NF1: variants seen among roughly 807,000 people sequenced by gnomAD.
NF1 encodes the protein neurofibromin 1, also known as neurofibromin.
Under a neutral mutation model 325.7 loss-of-function variants are expected in NF1, and 122 were observed. The ratio of observed to expected loss-of-function variants is 0.37; its 90% CI spans 0.32 to 0.44. NF1 has a LOEUF of 0.44. NF1 is among the 20% of genes least tolerant of loss of function. NF1 has a pLI of 1.00. For missense variants in NF1, 2,140 were observed against 3,415.4 expected, an observed-to-expected ratio of 0.63 and a Z score of 9.31; for synonymous variants, 1,091 against 1,186.0, an observed-to-expected ratio of 0.92 and a Z score of 1.65.
At chr17:31,334,347 G>A (rs2069586021) in intron 39 of NF1, among the ~76,000 whole-genome samples, 1 of 151,854 alleles carries the variant, frequency 6.6e-6, no homozygotes. Context: ...AAAATATTCA[G>A]AGCCTACTGC....
At chr17:31,224,988 G>A (rs2066987065) in intron 16 of NF1, 107 bp from the exon 17 acceptor site, 2 of 1,173,644 alleles carry the variant, frequency 1.7e-6, no homozygotes, top group Non-Finnish European at 1.3e-6. Context: ...GAGATTGAGA[G>A]GAGAGGTTTT....
chr17:31,103,780 G>A (rs1186488826), intron 1 of NF1, among the ~76,000 whole-genome samples: 2 of 151,762 alleles, frequency 1.3e-5, no homozygotes, highest in African/African-American at 4.8e-5. Context: ...GACCAGCCTG[G>A]GCAACAGAGT....
intron 12 of NF1, among the ~76,000 whole-genome samples, chr17:31,206,990 G>A (rs997901504): frequency 6.6e-6 from 1 of 152,068 alleles, no homozygotes; most frequent in Non-Finnish European, 1.5e-5. Context: ...AACTCCTATG[G>A]AATCAATTTA....
rs761763159 is a variant in NF1 at position 31,374,007 on chromosome 17, C to T, written c.8378-6C>T. On this transcript the variant is annotated splice_region_variant and splice_polypyrimidine_tract_variant and intron_variant, in intron 57 of 57. Coordinates refer to ENST00000358273, the MANE Select transcript of NF1 (RefSeq NM_001042492.3). ...AGAAGTAACTGGCTGTTCTCTTTTT[C>T]TCCAGGAATCGACAAGGAGAACGTT... 12 of 1,613,848 alleles carry T rather than the reference C, an allele frequency of 7.4e-6. No individual in the cohort carries two copies. Among genetic ancestry groups the T allele is most frequent in the Non-Finnish European group, 8.5e-6 (10 of 1,179,900 alleles).
chr17:31,357,227 A>G (rs2070294330), intron 53 of NF1, 42 bp from the exon 54 acceptor site: 2 of 1,602,352 alleles, frequency 1.2e-6, no homozygotes, highest in East Asian at 2.2e-5. Flanking sequence ...ATTCAGCCAC[A>G]AAGTAAAAAT....
rs368649260 is a variant in NF1 at position 31,261,868 on chromosome 17, A to G, written c.4724+11A>G. On this transcript the variant is annotated intron_variant, in intron 35 of 57. Coordinates refer to ENST00000358273, the MANE Select transcript of NF1 (RefSeq NM_001042492.3). ...GGAATTTATGACTAGGTAAAGTACA[A>G]CCTTGAAATAGTTGATTGCTTTCTT... 281 of 1,612,590 alleles carry G rather than the reference A, an allele frequency of 1.7e-4. No homozygotes were observed. The highest frequency in any genetic ancestry group is 2.3e-4 in the Non-Finnish European group (268 of 1,179,810).
chr17:31,332,668 G>A lies in NF1; in HGVS notation c.5812+2170G>A, dbSNP rs1175161813. Among the ~76,000 whole-genome samples the A allele has an allele frequency of 3.2e-4, 14 of 44,426 alleles. 1 individual carries two copies. The highest frequency in any genetic ancestry group is 6.5e-4 in the African/African-American group (14 of 21,438). The allele number at this position is 44,426 out of a possible 152,430, so 29.1% of individuals were successfully genotyped here. Reference sequence around the variant, plus strand: ...ATGTATACATGTGCCATGCTGGTGCGCTGCACCCACTACTGTGTCATCTAG... The same window carrying A: ...ATGTATACATGTGCCATGCTGGTGCACTGCACCCACTACTGTGTCATCTAG... On this transcript the variant is annotated intron_variant, in intron 39 of 57. Coordinates refer to ENST00000358273, the MANE Select transcript of NF1 (RefSeq NM_001042492.3).
rs587782893 is a variant in NF1 at position 31,374,129 on chromosome 17, C to T, written c.8494C>T (p.Arg2832Cys). 13 of 1,613,964 alleles carry T rather than the reference C, an allele frequency of 8.1e-6. No individual in the cohort carries two copies. The highest frequency in any genetic ancestry group is 6.7e-5 in the African/African-American group (5 of 74,920). Residue 2832 changes from arginine (R) to cysteine (C), a missense_variant, in exon 58 of 58, where the codon CGT becomes TGT. By Grantham distance (180) the Arg-to-Cys change is radical. Coordinates refer to ENST00000358273, the MANE Select transcript of NF1 (RefSeq NM_001042492.3). Reference sequence around the variant, plus strand: ...GCAAAGAAGCGCTGGCAGTTTCAAACGTAATAGCATTAAGAAGATCGTGTG... The same window carrying T: ...GCAAAGAAGCGCTGGCAGTTTCAAATGTAATAGCATTAAGAAGATCGTGTG... Reference protein sequence around the residue: ...QKQRSAGSFKRNSIKKIV With the variant: ...QKQRSAGSFKCNSIKKIV
rs1555613934 is a variant in NF1, at chr17:31,227,295, T to C, written c.2325+4T>C. The C allele has an allele frequency of 3.1e-6, 5 of 1,613,676 alleles. No individual in the cohort carries two copies. Among genetic ancestry groups the C allele is most frequent in the Admixed American group, 3.3e-5 (2 of 59,984 alleles). On this transcript the variant is annotated splice_donor_region_variant and intron_variant, in intron 19 of 57. Transcript: ENST00000358273. Reference sequence around the variant, plus strand: ...TCCCACTGCAGGAAACACTGAGGTATGCCCTTAGCAACAGAAACACCCCTC... The same window carrying C: ...TCCCACTGCAGGAAACACTGAGGTACGCCCTTAGCAACAGAAACACCCCTC...
intron 15 of NF1, chr17:31,222,584 A>AC (rs1032430003): frequency 1.0e-6 from 1 of 1,004,340 alleles, no homozygotes; most frequent in African/African-American, 1.7e-5. Context: ...TATAATGAGA[A>AC]CCCCATATGT....
At chr17:31,265,832 A>G (rs2067777045) in intron 36 of NF1, among the ~76,000 whole-genome samples, 1 of 152,178 alleles carries the variant, frequency 6.6e-6, no homozygotes, top group Non-Finnish European at 1.5e-5. Context: ...GTGGCCTGGA[A>G]AACGGTGCTT....
At chr17:31,177,060 A>G (rs961225720) in intron 5 of NF1, among the ~76,000 whole-genome samples, 2 of 152,132 alleles carry the variant, frequency 1.3e-5, no homozygotes, top group African/African-American at 2.4e-5. Context: ...TGGTAGTTTG[A>G]TGGGGATAGC....
chr17:31,341,850 C>T (rs907759163), intron 47 of NF1, among the ~76,000 whole-genome samples: 4 of 152,042 alleles, frequency 2.6e-5, no homozygotes, highest in Admixed American at 1.3e-4. Flanking sequence ...TATGAAATTA[C>T]GTCCCTTTTG....
chr17:31,187,677 C>A (rs189694610), intron 8 of NF1, among the ~76,000 whole-genome samples: 1 of 152,260 alleles, frequency 6.6e-6, no homozygotes, highest in East Asian at 1.9e-4. Context: ...TACTGTTTCT[C>A]CCATAGCCAG....
chr17:31,374,316 G>A lies in NF1; in HGVS notation c.*161G>A, dbSNP rs2070701339. ...GTTGCCAGATGATCAACTCTTCGAA[G>A]CCTTGCCTAAATTTAATGCTGCCTT... On this transcript the variant is annotated 3_prime_UTR_variant, in exon 58 of 58. Coordinates refer to ENST00000358273, the MANE Select transcript of NF1 (RefSeq NM_001042492.3). 1.1e-6 allele frequency: 1 copy of A among 907,810 alleles called. No homozygotes were observed. Among genetic ancestry groups the A allele is most frequent in the Non-Finnish European group, 1.7e-6 (1 of 574,772 alleles). 56.2% of individuals were successfully genotyped at this position (907,810 alleles called of 1,614,324 possible).
At chr17:31,243,132 C>T (rs1411764261) in intron 29 of NF1, among the ~76,000 whole-genome samples, 1 of 151,378 alleles carries the variant, frequency 6.6e-6, no homozygotes, top group Admixed American at 6.6e-5. Flanking sequence ...TTGTTCTCTT[C>T]TTCTCTTCCC....
At chr17:31,260,800 T>C (rs1224145136) in intron 34 of NF1, among the ~76,000 whole-genome samples, 1 of 152,208 alleles carries the variant, frequency 6.6e-6, no homozygotes, top group African/African-American at 2.4e-5. Context: ...CAGATTGTTA[T>C]AGATCCAAAG....
At chr17:31,244,568 G>A (rs1306323493) in intron 29 of NF1, among the ~76,000 whole-genome samples, 1 of 152,170 alleles carries the variant, frequency 6.6e-6, no homozygotes, top group Non-Finnish European at 1.5e-5. Flanking sequence ...GCTCTGCCCT[G>A]TGTTGCTTTC....
chr17:31,259,902 G>A (rs568780131), intron 33 of NF1, among the ~76,000 whole-genome samples: 1 of 152,210 alleles, frequency 6.6e-6, no homozygotes, highest in East Asian at 1.9e-4. Context: ...AGAGAAATTG[G>A]AGTTGAAAAG....
Sources: allele counts gnomAD v4.1 joint callset (sites outside exome capture counted in the v4.1 genomes callset), GRCh38; gene constraint gnomAD v4.1.1; transcripts MANE v1.5; gene names NCBI Gene and HGNC (gene_info 2026-07-23, HGNC 2026-07-21).